Variants in FAS observed in about 807,000 individuals in gnomAD.
The protein encoded by FAS is tumor necrosis factor receptor superfamily member 6.
In FAS, 5 loss-of-function variants were observed where a neutral mutation model predicts 33.2. The ratio of observed to expected loss-of-function variants is 0.15; its 90% confidence interval spans 0.08 to 0.32. The LOEUF is 0.32. Ranked by LOEUF, FAS falls within the 10% of genes least tolerant of loss-of-function variation. The probability of loss-of-function intolerance (pLI) is 1.00; values close to 1 mark genes in which losing one functional copy is unlikely to be tolerated. For synonymous variants in FAS, 131 were observed against 130.7 expected (o/e 1.00, Z -0.01); for missense variants, 339 against 386.0 (o/e 0.88, Z 1.02).
chr10:88,989,834 T>C (rs1400780556), upstream of FAS, among the ~76,000 whole-genome samples: 1 of 152,216 alleles, frequency 6.6e-6, no homozygotes, highest in East Asian at 1.9e-4. Context: ...AAACCTTTAG[T>C]GTGTCCAGTC....
chr10:88,974,340 G>A (rs138654137), intron 2 of FAS: 6 of 151,956 alleles, frequency 3.9e-5, no homozygotes, highest in Non-Finnish European at 7.4e-5. Flanking sequence ...CAAAATAGAT[G>A]TCTAAAGATT....
chr10:88,988,995 G>C (rs1223536086), upstream of FAS, among the ~76,000 whole-genome samples: 4 of 152,156 alleles, frequency 2.6e-5, no homozygotes, highest in Admixed American at 1.3e-4. Context: ...GTAGGGGAAG[G>C]GGGTATGGCA....
intron 2 of FAS, among the ~76,000 whole-genome samples, chr10:89,004,361 A>T (rs1405498922): frequency 3.3e-5 from 5 of 152,124 alleles, no homozygotes; most frequent in African/African-American, 1.2e-4. Context: ...AATTTTTTTT[A>T]ACTTTTTTTT....
upstream of FAS, among the ~76,000 whole-genome samples, chr10:88,984,246 C>T (rs191334577): frequency 1.3e-5 from 2 of 152,272 alleles, no homozygotes; most frequent in Non-Finnish European, 2.9e-5. Context: ...ATAGTAGGAG[C>T]CAGTGCTGGA....
At chr10:88,983,009 G>T (rs758482155), upstream of FAS, among the ~76,000 whole-genome samples, 21 of 152,196 alleles carry the variant, frequency 1.4e-4, no homozygotes, top group Non-Finnish European at 2.5e-4. Context: ...TCACATGGGA[G>T]CTGGTGAGAA....
At chr10:88,993,315 T>TTA (rs1332449248) in intron 1 of FAS, among the ~76,000 whole-genome samples, 1 of 151,912 alleles carries the variant, frequency 6.6e-6, no homozygotes, top group African/African-American at 2.4e-5. Context: ...ATTTTTTTTT[T>TTA]TTATTGTGCA....
chr10:88,988,662 G>A (rs1471042551), upstream of FAS, among the ~76,000 whole-genome samples: 1 of 151,968 alleles, frequency 6.6e-6, no homozygotes, highest in Non-Finnish European at 1.5e-5. Context: ...AGGACTCTCA[G>A]GAATATGCTG....
At chr10:89,007,893 C>A in intron 3 of FAS, 56 bp downstream of exon 3, 1 of 1,609,276 alleles carries the variant, frequency 6.2e-7, no homozygotes. Flanking sequence ...CATGTAGAAC[C>A]ATTTATAAGA....
chr10:88,992,777 C>G (rs980855319), intron 1 of FAS, among the ~76,000 whole-genome samples: 1 of 152,116 alleles, frequency 6.6e-6, no homozygotes, highest in Admixed American at 6.5e-5. Flanking sequence ...TCTAATATGA[C>G]TCTTTTAAAT....
intron 1 of FAS, among the ~76,000 whole-genome samples, chr10:88,967,576 C>T (rs1411204832): frequency 6.6e-6 from 1 of 152,174 alleles, no homozygotes; most frequent in Non-Finnish European, 1.5e-5. Context: ...CAAATTATTA[C>T]CTGCAACGCA....
chr10:88,978,915 T>A (rs562041166), intron 2 of FAS, among the ~76,000 whole-genome samples: 5 of 151,568 alleles, frequency 3.3e-5, no homozygotes, highest in South Asian at 2.1e-4. Context: ...ATTATTATTA[T>A]TAATAGGAAC....
chr10:88,982,513 A>C (rs1438640044), upstream of FAS, among the ~76,000 whole-genome samples: 1 of 152,194 alleles, frequency 6.6e-6, no homozygotes, highest in Non-Finnish European at 1.5e-5. Flanking sequence ...CACGACAGAA[A>C]TAAAAAAGGC....
chr10:88,966,928 G>C (rs1183592742), intron 1 of FAS, among the ~76,000 whole-genome samples: 2 of 152,214 alleles, frequency 1.3e-5, no homozygotes, highest in Non-Finnish European at 2.9e-5. Flanking sequence ...GATACCATTA[G>C]GAGATCCTGA....
At chr10:88,991,207 G>C (rs1311884078) in intron 1 of FAS, 1 of 551,612 alleles carries the variant, frequency 1.8e-6, no homozygotes, top group African/African-American at 1.9e-5. Flanking sequence ...TGCGCTCCAC[G>C]TTGAGGTGGG....
chr10:88,979,932 A>T (rs1024226225), intron 2 of FAS, among the ~76,000 whole-genome samples: 3 of 152,184 alleles, frequency 2.0e-5, no homozygotes, highest in Admixed American at 1.3e-4. Flanking sequence ...TAGAAGATAT[A>T]GTTCTTACGT....
intron 2 of FAS, among the ~76,000 whole-genome samples, chr10:89,006,194 A>G (rs1848220148): frequency 1.3e-5 from 2 of 152,248 alleles, no homozygotes; most frequent in Non-Finnish European, 2.9e-5. Flanking sequence ...CAATTCATTC[A>G]GAGACCAGTA....
chr10:88,994,820 AT>A (rs1847486921), intron 1 of FAS, among the ~76,000 whole-genome samples: 1 of 151,064 alleles, frequency 6.6e-6, no homozygotes, highest in Non-Finnish European at 1.5e-5. Context: ...TTTATTATTT[AT>A]TTTTTAATTT....
At chr10:89,013,416 A>G (rs775167469) in intron 8 of FAS, 49 bp downstream of exon 8, 15 of 1,534,484 alleles carry the variant, frequency 9.8e-6, no homozygotes, top group Middle Eastern at 1.7e-4. Context: ...CTTTAGAGTA[A>G]TAGGCCAATT....
chr10:89,008,500 C>T (rs1848361624), intron 3 of FAS, among the ~76,000 whole-genome samples: 1 of 152,180 alleles, frequency 6.6e-6, no homozygotes, highest in Non-Finnish European at 1.5e-5. Context: ...GCAATTACAT[C>T]AGAGTCTCTG....
Sources: allele counts gnomAD v4.1 joint callset (sites outside exome capture counted in the v4.1 genomes callset), GRCh38; gene constraint gnomAD v4.1.1; transcripts MANE v1.5; gene names NCBI Gene and HGNC (gene_info 2026-07-23, HGNC 2026-07-21).